The following ZNF804B variants were observed in gnomAD, a reference collection of about 807,000 sequenced individuals.
ZNF804B encodes zinc finger protein 804B.
ZNF804B carries 80 observed loss-of-function variants against 101.4 expected under a neutral mutation model. That is an observed-to-expected ratio of 0.79 (90% CI 0.66 to 0.95). ZNF804B has a LOEUF of 0.95. Ranked by LOEUF, ZNF804B falls within the 40% of genes least tolerant of loss-of-function variation. The pLI is 0.00. For missense variants in ZNF804B, 1,673 were observed against 1,561.9 expected (o/e 1.07, Z -1.20); for synonymous variants, 622 against 558.8 (o/e 1.11, Z -1.59).
chr7:88,770,467 G>GA (rs1790045662), intron 1 of ZNF804B, among the ~76,000 whole-genome samples: 1 of 152,152 alleles, frequency 6.6e-6, no homozygotes, highest in Non-Finnish European at 1.5e-5. Context: ...AGAGGCTCAA[G>GA]AAAAATCACA....
intron 2 of ZNF804B, among the ~76,000 whole-genome samples, chr7:89,227,901 T>C (rs1467506568): frequency 1.3e-5 from 2 of 152,224 alleles, no homozygotes; most frequent in African/African-American, 2.4e-5. Context: ...TTTAGAAAAG[T>C]GGTATTTTAA....
Position 88,966,304 on chromosome 7 carries a change from T to C in ZNF804B, c.108+206220T>C, listed in dbSNP as rs148024570. ...CAATAAAACCAGCTTTTTGGTGAGG[T>C]GTGGAAAGAGCAGATGTAATAATGG... On this transcript the variant is annotated intron_variant, in intron 1 of 3. Coordinates refer to ENST00000333190, the MANE Select transcript of ZNF804B (RefSeq NM_181646.5). 1.7e-3 allele frequency among the ~76,000 whole-genome samples: 259 copies of C among 151,676 alleles called. 1 individual carries two copies. Among genetic ancestry groups the C allele is most frequent in the African/African-American group, 5.9e-3 (245 of 41,468 alleles).
rs73395218 is a variant in ZNF804B, at chr7:89,148,187, A to T, written c.109-69968A>T. 4.3e-3 allele frequency among the ~76,000 whole-genome samples: 656 copies of T among 152,198 alleles called. 6 individuals are homozygous for T. The highest frequency in any genetic ancestry group is 0.015 in the African/African-American group (626 of 41,550). On this transcript the variant is annotated intron_variant, in intron 1 of 3. Coordinates refer to ENST00000333190, the MANE Select transcript of ZNF804B (RefSeq NM_181646.5). The stretch of plus-strand genomic sequence containing the variant: ...AAACTTTCTAAATTTAAATGTTCTC[A>T]TCTGCACAAGGTATATAATATCTAT...
intron 1 of ZNF804B, among the ~76,000 whole-genome samples, chr7:89,023,979 G>A (rs925129106): frequency 2.0e-5 from 3 of 152,190 alleles, no homozygotes; most frequent in Non-Finnish European, 4.4e-5. Flanking sequence ...ACCCTGCCAA[G>A]TGGAAGGTGT....
At chr7:89,109,893 A>AATAAG (rs1790190083) in intron 1 of ZNF804B, among the ~76,000 whole-genome samples, 5 of 152,086 alleles carry the variant, frequency 3.3e-5, no homozygotes, top group Admixed American at 2.0e-4. Context: ...TACACTTTTA[A>AATAAG]CTTATTTATA....
intron 1 of ZNF804B, among the ~76,000 whole-genome samples, chr7:88,941,064 A>G (rs995495813): frequency 2.0e-5 from 3 of 151,976 alleles, no homozygotes; most frequent in African/African-American, 7.2e-5. Context: ...TAAAATAACT[A>G]ACAGCTATTT....
At chr7:89,012,413 C>G (rs1788479720) in intron 1 of ZNF804B, among the ~76,000 whole-genome samples, 3 of 152,098 alleles carry the variant, frequency 2.0e-5, no homozygotes, top group African/African-American at 7.2e-5. Flanking sequence ...ATGGATTTTT[C>G]TTTTCTATTG....
At chr7:88,826,414 G>A (rs1216776868) in intron 1 of ZNF804B, among the ~76,000 whole-genome samples, 2 of 152,042 alleles carry the variant, frequency 1.3e-5, no homozygotes, top group Non-Finnish European at 2.9e-5. Flanking sequence ...AGTGCCTTCC[G>A]GTTTGAAAAT....
intron 2 of ZNF804B, among the ~76,000 whole-genome samples, chr7:89,310,096 A>G (rs1790628875): frequency 6.6e-6 from 1 of 152,034 alleles, no homozygotes; most frequent in Non-Finnish European, 1.5e-5. Flanking sequence ...AAAAAAAAAA[A>G]AAAAGAGTCA....
chr7:88,854,513 T>TTTCCTTTCCTTTCCTTTCCTTTCCTTTCC (rs1562812852), intron 1 of ZNF804B, among the ~76,000 whole-genome samples: 1 of 72,238 alleles, frequency 1.4e-5, no homozygotes, highest in African/African-American at 6.9e-5. Context: ...TTTCCTTTCC[T>TTTCCTTTCCTTTCCTTTCCTTTCCTTTCC]TTCCTTTCCT....
intron 1 of ZNF804B, among the ~76,000 whole-genome samples, chr7:89,043,418 A>C (rs1789049454): frequency 6.6e-6 from 1 of 152,246 alleles, no homozygotes; most frequent in Admixed American, 6.5e-5. Context: ...TTTCAAAATA[A>C]AACATTTCTA....
At chr7:88,874,225 T>C (rs1247685060) in intron 1 of ZNF804B, among the ~76,000 whole-genome samples, 1 of 152,184 alleles carries the variant, frequency 6.6e-6, no homozygotes, top group Non-Finnish European at 1.5e-5. Flanking sequence ...TTATTCTCTT[T>C]GAAGCAATTG....
intron 1 of ZNF804B, among the ~76,000 whole-genome samples, chr7:88,792,232 T>C (rs1388915757): frequency 6.6e-6 from 1 of 152,054 alleles, no homozygotes; most frequent in Non-Finnish European, 1.5e-5. Flanking sequence ...TAGAAGCCAC[T>C]ACACAATGGG....
intron 2 of ZNF804B, among the ~76,000 whole-genome samples, chr7:89,223,509 T>G (rs1789036032): frequency 6.6e-6 from 1 of 151,768 alleles, no homozygotes; most frequent in African/African-American, 2.4e-5. Context: ...AACACACAAC[T>G]TCAAGAAATA....
chr7:89,257,685 G>T (rs143232556), intron 2 of ZNF804B, among the ~76,000 whole-genome samples: 1 of 152,104 alleles, frequency 6.6e-6, no homozygotes, highest in African/African-American at 2.4e-5. Flanking sequence ...ATGTTGTAGG[G>T]CTTTGGTTTG....
chr7:89,111,191 G>C (rs1318850074), intron 1 of ZNF804B, among the ~76,000 whole-genome samples: 1 of 152,162 alleles, frequency 6.6e-6, no homozygotes, highest in Non-Finnish European at 1.5e-5. Context: ...ATAAACATTT[G>C]TGTGAAGGTT....
Position 88,822,064 on chromosome 7 carries a change from C to A in ZNF804B, c.108+61980C>A, listed in dbSNP as rs546042278. Among the ~76,000 whole-genome samples, 12 of 152,298 alleles carry A rather than the reference C, an allele frequency of 7.9e-5. No homozygotes were observed. In the East Asian group the frequency reaches 2.1e-3, roughly 27 times the overall value. On this transcript the variant is annotated intron_variant, in intron 1 of 3. Coordinates refer to ENST00000333190, the MANE Select transcript of ZNF804B (RefSeq NM_181646.5). ...ATTGACTCCTGTACAAATTAAGCTG[C>A]AACACTGTTTAGAAAGATTGTGGGA...
intron 2 of ZNF804B, among the ~76,000 whole-genome samples, chr7:89,312,516 C>A (rs1022203804): frequency 1.3e-5 from 2 of 152,144 alleles, no homozygotes; most frequent in African/African-American, 4.8e-5. Flanking sequence ...TTGCTTGTGG[C>A]ACAATTGGTC....
chr7:88,966,991 C>T (rs372298258), intron 1 of ZNF804B, among the ~76,000 whole-genome samples: 2 of 150,204 alleles, frequency 1.3e-5, no homozygotes, highest in East Asian at 2.0e-4. Context: ...GTGTAATACA[C>T]CAGTCCACTG....
Sources: allele counts gnomAD v4.1 joint callset (sites outside exome capture counted in the v4.1 genomes callset), GRCh38; gene constraint gnomAD v4.1.1; transcripts MANE v1.5; gene names NCBI Gene and HGNC (gene_info 2026-07-23, HGNC 2026-07-21).